The following C6 variants were observed in gnomAD, a reference collection of about 807,000 sequenced individuals.
The protein encoded by C6 is complement component C6.
C6 carries 101 observed loss-of-function variants against 112.9 expected under a neutral mutation model. The observed-to-expected ratio is 0.89, with a 90% CI of 0.76 to 1.06. The LOEUF (loss-of-function observed/expected upper bound fraction) is 1.06, where lower values mean the gene tolerates loss of function less well. Ranked by LOEUF, C6 falls within the 50% of genes least tolerant of loss-of-function variation. C6 has a pLI of 0.00. For missense variants in C6, 1,202 were observed against 1,104.6 expected, an observed-to-expected ratio of 1.09 and a Z score of -1.25; for synonymous variants, 431 against 384.1, an observed-to-expected ratio of 1.12 and a Z score of -1.43.
intron 13 of C6, among the ~76,000 whole-genome samples, chr5:41,157,603 G>T (rs1747040219): frequency 6.6e-6 from 1 of 152,102 alleles, no homozygotes; most frequent in Admixed American, 6.6e-5. Flanking sequence ...TGGCCTTTGG[G>T]CCATAGATTG....
chr5:41,179,964 G>A (rs1393428248), intron 7 of C6, among the ~76,000 whole-genome samples: 1 of 151,974 alleles, frequency 6.6e-6, no homozygotes, highest in East Asian at 1.9e-4. Context: ...ACTTTAGTTA[G>A]TGCCTGACTC....
intron 9 of C6, 24 bp from the exon 10 acceptor site, chr5:41,161,883 GC>G (rs1747549169): frequency 6.2e-7 from 1 of 1,611,068 alleles, no homozygotes; most frequent in African/African-American, 1.3e-5. Context: ...CAATAAAAAT[GC>G]CCATTTAATT....
chr5:41,234,860 C>A (rs1047193150), intron 1 of C6, among the ~76,000 whole-genome samples: 40 of 149,166 alleles, frequency 2.7e-4, no homozygotes, highest in African/African-American at 1.0e-3. Context: ...ACTCAGAATA[C>A]AAGGTAGATA....
At chr5:41,166,797 A>G (rs767739484) in intron 9 of C6, among the ~76,000 whole-genome samples, 10 of 152,108 alleles carry the variant, frequency 6.6e-5, no homozygotes, top group Non-Finnish European at 2.9e-5. Context: ...GTCTGCTAAA[A>G]ATTTCAATTT....
At chr5:41,212,634 T>C (rs55730142) in intron 1 of C6, among the ~76,000 whole-genome samples, 3,684 of 152,200 alleles carry the variant, frequency 0.024, 163 homozygotes, top group African/African-American at 0.084. Context: ...CATACAAACA[T>C]AGAATAAAAG....
Position 41,222,164 on chromosome 5 carries a change from T to C in C6, c.-20-18914A>G, listed in dbSNP as rs1229442702. ...CTGGGCGACAGAGAGAGACTCCATC[T>C]CAAAAAAAAAAAACAAAAAAAAGAA... On this transcript the variant is annotated intron_variant, in intron 1 of 17. Coordinates refer to the C6 transcript ENST00000263413. 2.2e-5 allele frequency among the ~76,000 whole-genome samples: 3 copies of C among 139,480 alleles called. No individual in the cohort carries two copies. The South Asian group carries it at 6.7e-4, about 31-fold the overall frequency. The allele number at this position is 139,480 out of a possible 152,430, so 91.5% of individuals were successfully genotyped here.
At position 41,159,136 on chromosome 5, in the gene C6, C is replaced by T. The variant is rs905925905; in HGVS notation, c.1802G>A (p.Cys601Tyr). 14 of 1,613,652 alleles carry T rather than the reference C, an allele frequency of 8.7e-6. No individual in the cohort carries two copies. In the Admixed American group the frequency reaches 1.8e-4, roughly 21 times the overall value. The change falls in exon 12 of 18, where the codon TGT (cysteine) becomes TAT (tyrosine). Residue 601 changes from cysteine to tyrosine, a missense_variant. Coordinates refer to ENST00000337836, the MANE Select transcript of C6 (RefSeq NM_000065.5). ...TTCCTCTTGTCGCTTCTCCCCCTCA[C>T]AGCGTTTCCCTCCTCGTTGGGGGGC... ...NPAPQRGGKR[C>Y]EGEKRQEEDC...
At chr5:41,183,373 G>GA (rs1749507944) in intron 6 of C6, among the ~76,000 whole-genome samples, 1 of 151,934 alleles carries the variant, frequency 6.6e-6, no homozygotes, top group South Asian at 2.1e-4. Flanking sequence ...ACAAATATAT[G>GA]AAAAAATGCT....
chr5:41,246,551 G>C (rs1007360905), intron 1 of C6, among the ~76,000 whole-genome samples: 6 of 152,154 alleles, frequency 3.9e-5, no homozygotes, highest in Non-Finnish European at 8.8e-5. Flanking sequence ...AGTTACATCA[G>C]CGTGACAGCA....
chr5:41,160,057 G>A (rs1458068260), intron 11 of C6, 85 bp downstream of exon 11: 3 of 1,120,556 alleles, frequency 2.7e-6, no homozygotes, highest in South Asian at 1.3e-5. Context: ...GCTAATAGAA[G>A]TTTTGTTTCT....
chr5:41,198,155 C>T (rs1750748579), intron 4 of C6, among the ~76,000 whole-genome samples: 1 of 152,036 alleles, frequency 6.6e-6, no homozygotes, highest in Admixed American at 6.6e-5. Flanking sequence ...CAAAATAATC[C>T]ATTTAGTCTT....
intron 1 of C6, among the ~76,000 whole-genome samples, chr5:41,247,466 T>C (rs898137727): frequency 4.0e-5 from 6 of 151,830 alleles, no homozygotes; most frequent in African/African-American, 1.5e-4. Flanking sequence ...AATAAAATAT[T>C]TAGAAATATA....
intron 1 of C6, among the ~76,000 whole-genome samples, chr5:41,222,313 A>G (rs1479555892): frequency 6.6e-6 from 1 of 152,068 alleles, no homozygotes; most frequent in Non-Finnish European, 1.5e-5. Context: ...TGAAATTTGC[A>G]ATAATCATGC....
rs775308658 is a variant in C6 at position 41,155,012 on chromosome 5, TA to T, written c.2060del (p.Leu687TyrfsTer27). ...ETVGYQYFRC[L>X]PDGTWRQGDV... ...CCCCTTGTCTCCAGGTCCCGTCTGG[TA>T]AGCATCTGAAGTACTGGTATCCAAC... On this transcript the variant is annotated frameshift_variant, in exon 14 of 18. Coordinates refer to ENST00000337836, the MANE Select transcript of C6 (RefSeq NM_000065.5). LOFTEE classifies it high-confidence loss of function. 1.2e-6 allele frequency: 2 copies of T among 1,613,832 alleles called. No individual in the cohort carries two copies. Among genetic ancestry groups the T allele is most frequent in the Non-Finnish European group, 1.7e-6 (2 of 1,179,770 alleles).
chr5:41,194,635 A>C (rs1038572235), intron 5 of C6, among the ~76,000 whole-genome samples: 2 of 152,236 alleles, frequency 1.3e-5, no homozygotes, highest in African/African-American at 4.8e-5. Flanking sequence ...ATAGAAATTG[A>C]TAGCAAACTA....
At chr5:41,210,064 A>G (rs927700474) in intron 1 of C6, among the ~76,000 whole-genome samples, 1 of 152,186 alleles carries the variant, frequency 6.6e-6, no homozygotes, top group African/African-American at 2.4e-5. Context: ...ATAATACCAC[A>G]CGTCTACAGC....
intron 17 of C6, 146 bp downstream of exon 17, chr5:41,149,095 T>C: frequency 9.4e-7 from 1 of 1,063,610 alleles, no homozygotes; most frequent in South Asian, 1.3e-5. Flanking sequence ...ATAATTTTCC[T>C]TTCTGTTTAA....
chr5:41,228,230 T>C (rs552379736), intron 1 of C6, among the ~76,000 whole-genome samples: 2 of 152,104 alleles, frequency 1.3e-5, no homozygotes, highest in Non-Finnish European at 2.9e-5. Context: ...CTTTTGTAAA[T>C]GGGATTATTT....
chr5:41,200,686 G>T (rs1199491868), intron 3 of C6, among the ~76,000 whole-genome samples: 1 of 152,052 alleles, frequency 6.6e-6, no homozygotes, highest in Non-Finnish European at 1.5e-5. Context: ...CCTAACTGTG[G>T]TTCACATTGG....
Sources: gnomAD v4.1 joint callset for allele counts (sites outside exome capture counted in the v4.1 genomes callset) on GRCh38, gnomAD v4.1.1 for gene constraint, MANE v1.5 for transcripts, NCBI Gene and HGNC (gene_info 2026-07-23, HGNC 2026-07-21) for gene names.